The following OTOG variants were observed in gnomAD, a reference collection of about 807,000 sequenced individuals.
The protein encoded by OTOG is otogelin.
In OTOG, 296 loss-of-function variants were observed where a neutral mutation model predicts 313.8. The ratio of observed to expected loss-of-function variants is 0.94; its 90% CI spans 0.86 to 1.04. The LOEUF is 1.04. Among genes scored for constraint, OTOG ranks in the 50% least tolerant of loss-of-function variants. The pLI is 0.00. For synonymous variants in OTOG, 1,533 were observed against 1,554.9 expected, an observed-to-expected ratio of 0.99 and a Z score of 0.33; for missense variants, 3,948 against 3,840.1, an observed-to-expected ratio of 1.03 and a Z score of -0.74.
intron 6 of OTOG, among the ~76,000 whole-genome samples, chr11:17,554,510 T>C (rs528554777): frequency 1.3e-5 from 2 of 152,326 alleles, no homozygotes; most frequent in South Asian, 4.1e-4. Flanking sequence ...TGGAGGAAAG[T>C]CTCTTTGGAG....
chr11:17,637,353 A>T (rs1390096197), intron 47 of OTOG, among the ~76,000 whole-genome samples: 1 of 152,078 alleles, frequency 6.6e-6, no homozygotes, highest in African/African-American at 2.4e-5. Context: ...GTCCTGGACC[A>T]TGCATTATAA....
intron 15 of OTOG, among the ~76,000 whole-genome samples, chr11:17,568,534 C>T (rs1852337398): frequency 6.6e-6 from 1 of 152,164 alleles, no homozygotes; most frequent in African/African-American, 2.4e-5. Context: ...ATGTAATTTC[C>T]TTGAGGACAG....
chr11:17,570,088 G>T, intron 16 of OTOG, 125 bp from the exon 17 acceptor site: 1 of 823,392 alleles, frequency 1.2e-6, no homozygotes, highest in South Asian at 1.8e-5. Context: ...ACGCAGGCAG[G>T]CAGGCAGGCA....
chr11:17,572,001 T>G, intron 17 of OTOG, 79 bp from the exon 18 acceptor site: 1 of 1,525,738 alleles, frequency 6.6e-7, no homozygotes, highest in Non-Finnish European at 8.9e-7. Context: ...AGCAAGTAGG[T>G]GTTACCTGGA....
In OTOG at chr11:17,609,225, T is replaced by A. The variant is rs531075323; in HGVS notation, c.4354+16T>A. ...TTGGAGGACTGTAAGTGGCCCAGAC[T>A]TCTCATCCTTCCCTCAGATTTCCTC... is the stretch of plus-strand genomic sequence containing the variant. On this transcript the variant is annotated intron_variant, in intron 35 of 55. Transcript: ENST00000399397. The A allele has an allele frequency of 9.1e-6, 14 of 1,546,066 alleles. No homozygotes were observed. Among genetic ancestry groups the A allele is most frequent in the Non-Finnish European group, 1.2e-5 (14 of 1,143,004 alleles).
chr11:17,602,829 G>A (rs1437808418), intron 32 of OTOG, among the ~76,000 whole-genome samples: 2 of 152,142 alleles, frequency 1.3e-5, no homozygotes, highest in East Asian at 1.9e-4. Context: ...TGGGAAATCA[G>A]GGATACAAGA....
intron 12 of OTOG, 74 bp downstream of exon 12, chr11:17,559,736 C>T: frequency 1.7e-6 from 2 of 1,211,586 alleles, no homozygotes; most frequent in Non-Finnish European, 2.2e-6. Context: ...AACAGGAGTT[C>T]AGAAGATACC....
chr11:17,576,373 C>G (rs1565100185), intron 20 of OTOG, among the ~76,000 whole-genome samples, 183 bp from the exon 21 acceptor site: 2 of 152,234 alleles, frequency 1.3e-5, no homozygotes, highest in African/African-American at 4.8e-5. Flanking sequence ...GCCGTGACCT[C>G]TATCCCTGGT....
chr11:17,617,767 T>A (rs1487867966), intron 39 of OTOG, among the ~76,000 whole-genome samples: 1 of 152,150 alleles, frequency 6.6e-6, no homozygotes, highest in Non-Finnish European at 1.5e-5. Context: ...ATTGGTTTTC[T>A]CTATTATTTT....
At chr11:17,576,976 G>T in intron 22 of OTOG, 65 bp downstream of exon 22, 1 of 1,481,974 alleles carries the variant, frequency 6.7e-7, no homozygotes, top group Non-Finnish European at 9.1e-7. Context: ...AGTGGGGAGT[G>T]GAGCACTGAT....
At position 17,611,254 on chromosome 11, in the gene OTOG, AGCTGGCTGAGGCCCATGGAACCT is replaced by A; in HGVS notation, c.5955_5977del (p.Gln1985HisfsTer41). The stretch of plus-strand genomic sequence containing the variant: ...GACAGCATGCTGGTTCTGTTGCCTC[AGCTGGCTGAGGCCCATGGAACCT>A]CGGCAGGGCCTCACCTGGCAGCAGA... On this transcript the variant is annotated frameshift_variant, in exon 36 of 56. Transcript: ENST00000399397. LOFTEE classifies it high-confidence loss of function. The A allele has an allele frequency of 6.5e-7, 1 of 1,549,746 alleles. No homozygotes were observed. The highest frequency in any genetic ancestry group is 8.7e-7 in the Non-Finnish European group (1 of 1,146,852).
chr11:17,631,812 C>T lies in OTOG; in HGVS notation c.6823C>T (p.Leu2275=). 1 of 1,550,646 alleles carries T rather than the reference C, an allele frequency of 6.4e-7. No homozygotes were observed. Among genetic ancestry groups the T allele is most frequent in the South Asian group, 1.2e-5 (1 of 84,058 alleles). Residue 2275 remains leucine (L), a synonymous_variant, in exon 41 of 56, where the codon CTG becomes TTG. Coordinates refer to ENST00000399397, the MANE Select transcript of OTOG (RefSeq NM_001292063.2). ...GGACAGCTGGCAGGTGCCCAGCTCC[C>T]TGACCTCAGTGGGCCAGACCCGCTT... The part of the protein sequence containing the change: ...FLDSWQVPSS[L]TSVGQTRFRP...
intron 35 of OTOG, 34 bp downstream of exon 35, chr11:17,609,243 A>G (rs762193108): frequency 8.7e-5 from 133 of 1,531,886 alleles, no homozygotes; most frequent in Non-Finnish European, 1.1e-4. Context: ...CTTCCCTCAG[A>G]TTTCCTCTAA....
intron 23 of OTOG, 84 bp from the exon 24 acceptor site, chr11:17,586,390 C>A: frequency 1.3e-6 from 1 of 760,354 alleles, no homozygotes; most frequent in Non-Finnish European, 1.9e-6. Flanking sequence ...CACCTCCGAG[C>A]ATCCAGATTG....
chr11:17,596,098 G>T lies in OTOG; in HGVS notation c.3469G>T (p.Ala1157Ser). Residue 1157 changes from alanine (A) to serine (S), a missense_variant, in exon 29 of 56, where the codon GCC becomes TCC. Transcript: ENST00000399397. ...CCTGAATCCTCTCCGAGAACCATTT[G>T]CCAAGAAGGAGTGCAGCATCCTGCT... Reference protein sequence around the residue: ...CVLNPLREPFAKKECSILLSE... With the variant: ...CVLNPLREPFSKKECSILLSE... The T allele has an allele frequency of 2.6e-6, 4 of 1,550,784 alleles. No individual in the cohort carries two copies. Among genetic ancestry groups the T allele is most frequent in the Non-Finnish European group, 3.5e-6 (4 of 1,147,042 alleles).
chr11:17,639,441 T>TCCCGGTGC lies in OTOG; in HGVS notation c.7923_7930dup (p.His2644ProfsTer31). 10 of 1,550,720 alleles carry TCCCGGTGC rather than the reference T, an allele frequency of 6.4e-6. No individual in the cohort carries two copies. The highest frequency in any genetic ancestry group is 8.7e-6 in the Non-Finnish European group (10 of 1,147,014). On this transcript the variant is annotated frameshift_variant, in exon 49 of 56. Coordinates refer to ENST00000399397, the MANE Select transcript of OTOG (RefSeq NM_001292063.2). LOFTEE classifies it high-confidence loss of function. Reference sequence around the variant, plus strand: ...TTTTCAGAATGTGACTGTGACACAATCCCGGTGCCCCGGTGCCATCTGGTA... The same window carrying TCCCGGTGC: ...TTTTCAGAATGTGACTGTGACACAATCCCGGTGCCCCGGTGCCCCGGTGCCATCTGGTA...
At chr11:17,568,472 T>G (rs187025252) in intron 15 of OTOG, among the ~76,000 whole-genome samples, 26 of 152,370 alleles carry the variant, frequency 1.7e-4, no homozygotes, top group Middle Eastern at 3.4e-3. Flanking sequence ...ACAATTATAA[T>G]TGAGTAATCA....
chr11:17,576,479 G>T (rs1053255983), intron 20 of OTOG, 77 bp from the exon 21 acceptor site: 3 of 1,208,084 alleles, frequency 2.5e-6, no homozygotes, highest in Non-Finnish European at 3.6e-6. Context: ...TTGGCTGAGG[G>T]TGGGGTCCCT....
chr11:17,563,518 C>T (rs1852233328), intron 15 of OTOG, among the ~76,000 whole-genome samples: 1 of 152,236 alleles, frequency 6.6e-6, no homozygotes. Context: ...CCTGGCTTGG[C>T]TGCTCTCTGA....
Sources: allele counts gnomAD v4.1 joint callset (sites outside exome capture counted in the v4.1 genomes callset), GRCh38; gene constraint gnomAD v4.1.1; transcripts MANE v1.5; gene names NCBI Gene and HGNC (gene_info 2026-07-23, HGNC 2026-07-21).